The following GPM6A variants were observed in gnomAD, a reference collection of about 807,000 sequenced individuals.
GPM6A encodes the protein neuronal membrane glycoprotein M6-a.
A neutral mutation model predicts 32.1 loss-of-function variants in GPM6A; 7 were observed. That is an observed-to-expected ratio of 0.22 (90% CI 0.12 to 0.41). The LOEUF (loss-of-function observed/expected upper bound fraction) is 0.41. GPM6A is among the 10% of genes least tolerant of loss of function. The pLI is 1.00. For missense variants in GPM6A, 235 were observed against 347.2 expected (o/e 0.68, Z 2.57); for synonymous variants, 130 against 123.4 (o/e 1.05, Z -0.35).
chr4:175,869,669 A>C (rs1736844291), intron 1 of GPM6A, among the ~76,000 whole-genome samples: 2 of 152,140 alleles, frequency 1.3e-5, no homozygotes, highest in African/African-American at 4.8e-5. Context: ...AGGTAGGAGA[A>C]TCGCTTGAAC....
intron 1 of GPM6A, among the ~76,000 whole-genome samples, chr4:175,786,527 ATG>A (rs1733804680): frequency 6.6e-6 from 1 of 151,710 alleles, no homozygotes; most frequent in South Asian, 2.1e-4. Context: ...CAAACTCAAA[ATG>A]TCTAAAATAA....
intron 1 of GPM6A, among the ~76,000 whole-genome samples, chr4:175,820,432 T>G (rs1269831477): frequency 2.0e-5 from 3 of 152,070 alleles, no homozygotes; most frequent in Non-Finnish European, 4.4e-5. Context: ...TGTGTGTCTG[T>G]GTGTATACAG....
intron 4 of GPM6A, among the ~76,000 whole-genome samples, chr4:175,650,197 T>C (rs1361731448): frequency 1.3e-5 from 2 of 152,168 alleles, no homozygotes; most frequent in Non-Finnish European, 2.9e-5. Flanking sequence ...ACTATTATTA[T>C]GTGAGATTTT....
intron 2 of GPM6A, among the ~76,000 whole-genome samples, chr4:175,693,038 T>C (rs1006804490): frequency 2.0e-5 from 3 of 152,056 alleles, no homozygotes; most frequent in Non-Finnish European, 4.4e-5. Context: ...TCTGTTAAAG[T>C]ACTAGCTCTA....
At chr4:175,691,970 C>T (rs934112483) in intron 2 of GPM6A, among the ~76,000 whole-genome samples, 4 of 152,144 alleles carry the variant, frequency 2.6e-5, no homozygotes, top group Non-Finnish European at 5.9e-5. Flanking sequence ...CTCTGGAAGC[C>T]AGGACAAGCA....
chr4:175,981,148 T>C (rs1225273623), intron 1 of GPM6A, among the ~76,000 whole-genome samples: 3 of 152,206 alleles, frequency 2.0e-5, no homozygotes, highest in Non-Finnish European at 4.4e-5. Context: ...GTTTTTATTT[T>C]ATTTTTATTT....
At chr4:175,826,457 T>G (rs1303547934) in intron 1 of GPM6A, among the ~76,000 whole-genome samples, 3 of 152,152 alleles carry the variant, frequency 2.0e-5, no homozygotes, top group Non-Finnish European at 4.4e-5. Flanking sequence ...TATTATGTGG[T>G]CATTGCATAT....
At chr4:175,996,339 G>A (rs943652993) in intron 1 of GPM6A, among the ~76,000 whole-genome samples, 1 of 152,132 alleles carries the variant, frequency 6.6e-6, no homozygotes, top group African/African-American at 2.4e-5. Flanking sequence ...AACCCCTAGT[G>A]ACACTATACC....
chr4:175,813,145 A>G (rs1233797114), upstream of GPM6A: 1 of 824,934 alleles, frequency 1.2e-6, no homozygotes. Context: ...TTATGATTAT[A>G]GCCCACGAAA....
chr4:175,645,163 AT>A lies in GPM6A; in HGVS notation c.542-4335del, dbSNP rs201845533. Among the ~76,000 whole-genome samples the A allele has an allele frequency of 1.2e-4, 18 of 152,264 alleles. No homozygotes were observed. In the East Asian group the frequency reaches 3.5e-3, roughly 29 times the overall value. ...GCATTAAGAACTGGGTGCAAAGAGAATTGGGGAGAACAGGGAGGACTTGATG... is the reference window on the plus strand; with the variant it reads ...GCATTAAGAACTGGGTGCAAAGAGAATGGGGAGAACAGGGAGGACTTGATG... On this transcript the variant is annotated intron_variant, in intron 4 of 6. Transcript: ENST00000393658.
At chr4:175,732,595 A>G (rs1302980363) in intron 1 of GPM6A, among the ~76,000 whole-genome samples, 1 of 152,206 alleles carries the variant, frequency 6.6e-6, no homozygotes, top group Non-Finnish European at 1.5e-5. Flanking sequence ...CAAAGATTTC[A>G]TCTTATGTCT....
At chr4:175,993,902 A>G (rs1399579427) in intron 1 of GPM6A, among the ~76,000 whole-genome samples, 1 of 152,238 alleles carries the variant, frequency 6.6e-6, no homozygotes, top group Non-Finnish European at 1.5e-5. Context: ...CATTTGTGCA[A>G]CTTACTTGTA....
chr4:176,001,476 G>A (rs1483750132), intron 1 of GPM6A, among the ~76,000 whole-genome samples: 3 of 152,288 alleles, frequency 2.0e-5, no homozygotes, highest in Admixed American at 6.5e-5. Context: ...TCCTAGTGCT[G>A]GGTGTGAATC....
intron 1 of GPM6A, among the ~76,000 whole-genome samples, chr4:175,881,525 C>CTA (rs749383209): frequency 2.2e-4 from 33 of 152,288 alleles, no homozygotes; most frequent in Non-Finnish European, 4.6e-4. Flanking sequence ...AATCATGCTG[C>CTA]TATAAAGACA....
At chr4:175,640,862 A>G (rs543643670) in intron 4 of GPM6A, 33 bp from the exon 5 acceptor site, 2 of 1,417,804 alleles carry the variant, frequency 1.4e-6, no homozygotes, top group African/African-American at 2.8e-5. Context: ...GTTTAGCAGT[A>G]TAAATGTTTT....
In GPM6A at chr4:175,633,184, G is replaced by A; in HGVS notation, c.*1721C>T. 1 of 152,452 alleles carries A rather than the reference G, an allele frequency of 6.6e-6. No homozygotes were observed. The highest frequency in any genetic ancestry group is 2.4e-5 in the African/African-American group (1 of 41,520). The allele number at this position is 152,452 out of a possible 1,614,324, so 9.4% of individuals were successfully genotyped here. ...AAATTATCACAAACTGTTAAGACAC[G>A]GAACTGAAATACTATAATATAGAAT... On this transcript the variant is annotated 3_prime_UTR_variant, in exon 7 of 7. Coordinates refer to ENST00000393658, the MANE Select transcript of GPM6A (RefSeq NM_201591.3).
intron 1 of GPM6A, among the ~76,000 whole-genome samples, chr4:175,846,096 G>A (rs1287582420): frequency 6.6e-6 from 1 of 151,940 alleles, no homozygotes; most frequent in Non-Finnish European, 1.5e-5. Context: ...GCCCTAATGT[G>A]TCGTAACATC....
At chr4:175,849,353 A>G (rs1736182584) in intron 1 of GPM6A, among the ~76,000 whole-genome samples, 7 of 152,212 alleles carry the variant, frequency 4.6e-5, no homozygotes, top group Admixed American at 4.6e-4. Flanking sequence ...TAGGTATGAG[A>G]ACATGGATGC....
chr4:175,936,255 A>G (rs1291056143), intron 1 of GPM6A, among the ~76,000 whole-genome samples: 4 of 135,258 alleles, frequency 3.0e-5, no homozygotes, highest in Admixed American at 8.1e-5. Context: ...GCAGTGAGCC[A>G]AGATCGCGCC....
Sources: allele counts gnomAD v4.1 joint callset (sites outside exome capture counted in the v4.1 genomes callset), GRCh38; gene constraint gnomAD v4.1.1; transcripts MANE v1.5; gene names NCBI Gene and HGNC (gene_info 2026-07-23, HGNC 2026-07-21).